DLC1: variants seen among roughly 807,000 people sequenced by gnomAD.
DLC1 encodes the protein DLC1 Rho GTPase activating protein.
DLC1 carries 54 observed loss-of-function variants against 140.3 expected under a neutral mutation model. That is an observed-to-expected ratio of 0.38 (90% CI 0.31 to 0.48). DLC1 has a LOEUF of 0.48. Among genes scored for constraint, DLC1 ranks in the 20% least tolerant of loss-of-function variants. The pLI, the probability that DLC1 is intolerant of heterozygous loss-of-function variation, is 0.96. For missense variants in DLC1, 2,536 were observed against 1,907.0 expected, an observed-to-expected ratio of 1.33 and a Z score of -6.14; for synonymous variants, 986 against 728.1, an observed-to-expected ratio of 1.35 and a Z score of -5.70.
intron 7 of DLC1, among the ~76,000 whole-genome samples, chr8:13,109,216 A>T (rs1356263626): frequency 6.6e-6 from 1 of 152,144 alleles, no homozygotes; most frequent in Non-Finnish European, 1.5e-5. Flanking sequence ...ACAAAGAGGA[A>T]AGAAATACTG....
intron 5 of DLC1, among the ~76,000 whole-genome samples, chr8:13,206,383 T>C (rs1291528983): frequency 6.6e-6 from 1 of 152,184 alleles, no homozygotes; most frequent in African/African-American, 2.4e-5. Flanking sequence ...GAATATACAG[T>C]AAATGTAAGC....
chr8:13,304,585 G>T, intron 5 of DLC1: 1 of 736,960 alleles, frequency 1.4e-6, no homozygotes, highest in Non-Finnish European at 1.7e-6. Flanking sequence ...AATCACAAAT[G>T]TCTACAAACT....
At chr8:13,457,044 A>T (rs1015475013) in intron 2 of DLC1, among the ~76,000 whole-genome samples, 48 of 152,290 alleles carry the variant, frequency 3.2e-4, no homozygotes, top group African/African-American at 1.0e-3. Context: ...GACAAATTGG[A>T]TTTAAAAATC....
At chr8:13,388,012 A>G (rs1836597791) in intron 4 of DLC1, among the ~76,000 whole-genome samples, 2 of 152,044 alleles carry the variant, frequency 1.3e-5, no homozygotes, top group African/African-American at 4.8e-5. Flanking sequence ...TTAAAATTAT[A>G]TATAAAATAT....
chr8:13,339,590 C>T (rs1489053608), intron 4 of DLC1: 1 of 152,096 alleles, frequency 6.6e-6, no homozygotes, highest in African/African-American at 2.4e-5. Flanking sequence ...CATTATGTCG[C>T]CTGTTTTGAA....
At chr8:13,457,110 T>A (rs1799426125) in intron 2 of DLC1, among the ~76,000 whole-genome samples, 2 of 152,324 alleles carry the variant, frequency 1.3e-5, no homozygotes, top group South Asian at 4.1e-4. Flanking sequence ...GCACTTAGTA[T>A]TTTTCTCAAA....
rs145204260 is a variant in DLC1, at chr8:13,262,838, G to A, written c.1348+42431C>T. 9.5e-4 allele frequency among the ~76,000 whole-genome samples: 145 copies of A among 152,236 alleles called. 1 individual carries two copies. Among genetic ancestry groups the A allele is most frequent in the Admixed American group, 7.0e-3 (107 of 15,286 alleles). On this transcript the variant is annotated intron_variant, in intron 5 of 17. Transcript: ENST00000276297. ...GATGGATGACGAATGCAAGTACAGA[G>A]GTCATCATCTCCACAGGCAGTAGTT...
intron 4 of DLC1, among the ~76,000 whole-genome samples, chr8:13,391,829 C>G (rs1000877632): frequency 4.0e-5 from 6 of 151,496 alleles, no homozygotes; most frequent in Non-Finnish European, 7.4e-5. Flanking sequence ...AGGATACTAA[C>G]AGGTGCTTTA....
intron 2 of DLC1, among the ~76,000 whole-genome samples, chr8:13,484,770 G>C (rs983931652): frequency 3.9e-5 from 6 of 151,942 alleles, no homozygotes; most frequent in African/African-American, 1.5e-4. Flanking sequence ...AACATAAACA[G>C]TCCCTGGAGG....
chr8:13,348,734 G>C (rs951378415), intron 4 of DLC1, among the ~76,000 whole-genome samples: 5 of 151,968 alleles, frequency 3.3e-5, no homozygotes, highest in African/African-American at 1.2e-4. Context: ...GAATACATGA[G>C]AAAAAAATGG....
intron 4 of DLC1, among the ~76,000 whole-genome samples, chr8:13,362,046 TAAACTTGAGA>T (rs1563285094): frequency 6.6e-6 from 1 of 152,132 alleles, no homozygotes; most frequent in African/African-American, 2.4e-5. Context: ...TGTCAACCAC[TAAACTTGAGA>T]AAACAGCAGA....
intron 2 of DLC1, among the ~76,000 whole-genome samples, chr8:13,484,088 T>C (rs143405318): frequency 2.0e-5 from 3 of 151,908 alleles, no homozygotes; most frequent in African/African-American, 7.2e-5. Context: ...TCAAAATAAA[T>C]AAACAAGTAA....
intron 5 of DLC1, among the ~76,000 whole-genome samples, chr8:13,171,139 C>T (rs1331682941): frequency 6.6e-6 from 1 of 152,030 alleles, no homozygotes; most frequent in East Asian, 1.9e-4. Context: ...AAGGGAATAC[C>T]TCCTCCCCTC....
At chr8:13,097,879 T>A (rs1414750409) in intron 10 of DLC1, among the ~76,000 whole-genome samples, 1 of 151,892 alleles carries the variant, frequency 6.6e-6, no homozygotes, top group African/African-American at 2.4e-5. Flanking sequence ...CAATATCAAA[T>A]GTGGCCTCAA....
At chr8:13,415,225 T>G (rs1374999209) in intron 2 of DLC1, among the ~76,000 whole-genome samples, 1 of 152,170 alleles carries the variant, frequency 6.6e-6, no homozygotes, top group Non-Finnish European at 1.5e-5. Context: ...TACTAGTATT[T>G]AAATAAATTA....
Position 13,153,222 on chromosome 8 carries a change from T to C in DLC1, c.1349-37565A>G, listed in dbSNP as rs551794694. Among the ~76,000 whole-genome samples, 110 of 152,264 alleles carry C rather than the reference T, an allele frequency of 7.2e-4. 1 individual carries two copies. The South Asian group carries it at 0.022, about 31-fold the overall frequency. On this transcript the variant is annotated intron_variant, in intron 5 of 17. Coordinates refer to ENST00000276297, the MANE Select transcript of DLC1 (RefSeq NM_182643.3). Reference sequence around the variant, plus strand: ...TCAGGGTTTTTTTCCTTCTGGTGGGTTCGTGGTCTCGCAGGCTTCTGGAGT... The same window carrying C: ...TCAGGGTTTTTTTCCTTCTGGTGGGCTCGTGGTCTCGCAGGCTTCTGGAGT...
intron 4 of DLC1, among the ~76,000 whole-genome samples, chr8:13,365,285 G>A (rs973955971): frequency 6.6e-6 from 1 of 152,138 alleles, no homozygotes; most frequent in African/African-American, 2.4e-5. Flanking sequence ...GCTATTGAAT[G>A]CAGTGAGTCA....
At chr8:13,188,240 C>T (rs1339412876) in intron 5 of DLC1, among the ~76,000 whole-genome samples, 5 of 151,376 alleles carry the variant, frequency 3.3e-5, no homozygotes, top group African/African-American at 1.2e-4. Flanking sequence ...GGCCACCATG[C>T]CCAGCTAATT....
chr8:13,382,721 A>C (rs1836333185), intron 4 of DLC1, among the ~76,000 whole-genome samples: 1 of 152,168 alleles, frequency 6.6e-6, no homozygotes, highest in African/African-American at 2.4e-5. Flanking sequence ...ATCCTTTGCT[A>C]AGACCTCAGA....
Sources: allele counts gnomAD v4.1 joint callset (sites outside exome capture counted in the v4.1 genomes callset), GRCh38; gene constraint gnomAD v4.1.1; transcripts MANE v1.5; gene names NCBI Gene and HGNC (gene_info 2026-07-23, HGNC 2026-07-21).